Variants in PIEZO2 observed in about 807,000 individuals in gnomAD.
PIEZO2 encodes the protein piezo-type mechanosensitive ion channel component 2.
PIEZO2 carries 172 observed loss-of-function variants against 337.3 expected under a neutral mutation model. That is an observed-to-expected ratio of 0.51 (90% confidence interval 0.45 to 0.58). The LOEUF (loss-of-function observed/expected upper bound fraction) is 0.58. Ranked by LOEUF, PIEZO2 falls within the 20% of genes least tolerant of loss-of-function variation. The probability of loss-of-function intolerance (pLI) is 0.00; values close to 1 mark genes in which losing one functional copy is unlikely to be tolerated. For synonymous variants in PIEZO2, 1,251 were observed against 1,228.5 expected, an observed-to-expected ratio of 1.02 and a Z score of -0.38; for missense variants, 3,028 against 3,391.3, an observed-to-expected ratio of 0.89 and a Z score of 2.66.
intron 2 of PIEZO2, among the ~76,000 whole-genome samples, chr18:10,985,517 T>G (rs8084941): frequency 0.064 from 9,711 of 152,146 alleles, 708 homozygotes; most frequent in African/African-American, 0.18. Flanking sequence ...TAATTTCTCA[T>G]GTCTGTATTC....
At chr18:11,018,519 G>T (rs1354261925) in intron 2 of PIEZO2, among the ~76,000 whole-genome samples, 2 of 151,320 alleles carry the variant, frequency 1.3e-5, no homozygotes, top group African/African-American at 2.4e-5. Flanking sequence ...AGAGTTTGAC[G>T]TAATTGTGGT....
chr18:11,065,620 C>T (rs2038120080), intron 2 of PIEZO2, among the ~76,000 whole-genome samples: 2 of 152,172 alleles, frequency 1.3e-5, no homozygotes, highest in Non-Finnish European at 2.9e-5. Context: ...AAATTATTCT[C>T]TTTCATTATG....
At chr18:10,968,733 A>T (rs1387595257) in intron 3 of PIEZO2, among the ~76,000 whole-genome samples, 1 of 152,258 alleles carries the variant, frequency 6.6e-6, no homozygotes, top group Non-Finnish European at 1.5e-5. Flanking sequence ...TATGCAAAAC[A>T]GTTGTTTATA....
chr18:10,790,998 C>T (rs2039393408), intron 14 of PIEZO2, among the ~76,000 whole-genome samples: 1 of 152,218 alleles, frequency 6.6e-6, no homozygotes, highest in Admixed American at 6.5e-5. Flanking sequence ...GCCACGGCGC[C>T]CGGCCCAACT....
At chr18:11,051,298 GTTCTTAGAAATAATTAACACACCT>G (rs550385735) in intron 2 of PIEZO2, among the ~76,000 whole-genome samples, 2 of 151,318 alleles carry the variant, frequency 1.3e-5, no homozygotes, top group South Asian at 4.2e-4. Flanking sequence ...CGACAACTTT[GTTCTTAGAAATAATTAACACACCT>G]TAGACAGCAA....
At position 11,033,516 on chromosome 18, in the gene PIEZO2, T is replaced by C. The variant is rs977364023; in HGVS notation, c.160+32611A>G. Among the ~76,000 whole-genome samples, 6 of 152,238 alleles carry C rather than the reference T, an allele frequency of 3.9e-5. No homozygotes were observed. The highest frequency in any genetic ancestry group is 1.4e-4 in the African/African-American group (6 of 41,454). The stretch of plus-strand genomic sequence containing the variant: ...ACATTTTGCCATGTTTTTTACAGAA[T>C]TGCCTCCAAGACACACTTAAGGAAC... On this transcript the variant is annotated intron_variant, in intron 2 of 55. Coordinates refer to ENST00000674853, the MANE Select transcript of PIEZO2 (RefSeq NM_001378183.1). The surrounding 1 kb of genome is among the most constrained non-coding windows in gnomAD (Gnocchi z 4.2).
Position 10,680,186 on chromosome 18 carries a change from A to G in PIEZO2, c.7952+13T>C, listed in dbSNP as rs367911625. 8 of 1,600,030 alleles carry G rather than the reference A, an allele frequency of 5.0e-6. No individual in the cohort carries two copies. The highest frequency in any genetic ancestry group is 6.8e-6 in the Non-Finnish European group (8 of 1,170,140). On this transcript the variant is annotated intron_variant, in intron 52 of 55. Coordinates refer to ENST00000674853, the MANE Select transcript of PIEZO2 (RefSeq NM_001378183.1). ...GGAAAGGGATAAATTATACATGGAAATACAGTAACTACCTCTGAATACTCC... is the reference window on the plus strand; with the variant it reads ...GGAAAGGGATAAATTATACATGGAAGTACAGTAACTACCTCTGAATACTCC...
At chr18:11,050,458 A>G (rs1229474636) in intron 2 of PIEZO2, among the ~76,000 whole-genome samples, 2 of 151,854 alleles carry the variant, frequency 1.3e-5, no homozygotes, top group African/African-American at 2.4e-5. Context: ...CTGAGGGGCC[A>G]TTAGTGATCT....
intron 22 of PIEZO2, 91 bp downstream of exon 22, chr18:10,762,831 G>T (rs1054196016): frequency 7.0e-7 from 1 of 1,435,276 alleles, no homozygotes; most frequent in Non-Finnish European, 9.3e-7. Context: ...GCCAGGTCAG[G>T]CCAAATGTGC....
Position 11,142,202 on chromosome 18 carries a change from T to C in PIEZO2, c.64+6323A>G, listed in dbSNP as rs866263339. The stretch of plus-strand genomic sequence containing the variant: ...ATTTTATAAGCTGGTAACTGTTACA[T>C]ATATTTTCTTTTAAAAACCCAACAA... On this transcript the variant is annotated intron_variant, in intron 1 of 55. Transcript: ENST00000674853. Among the ~76,000 whole-genome samples, 4 of 152,354 alleles carry C rather than the reference T, an allele frequency of 2.6e-5. No homozygotes were observed. In the South Asian group the frequency reaches 8.3e-4, roughly 32 times the overall value.
At chr18:10,681,332 G>T (rs1045254415) in intron 51 of PIEZO2, among the ~76,000 whole-genome samples, 1 of 152,166 alleles carries the variant, frequency 6.6e-6, no homozygotes, top group South Asian at 2.1e-4. Flanking sequence ...TAGATAGAGC[G>T]TTCTCATATT....
At chr18:10,975,188 A>G (rs1280132748) in intron 3 of PIEZO2, among the ~76,000 whole-genome samples, 1 of 152,218 alleles carries the variant, frequency 6.6e-6, no homozygotes, top group Non-Finnish European at 1.5e-5. Flanking sequence ...CTAACTCAAA[A>G]GTTTCTTTCA....
chr18:10,992,254 T>G (rs2035139443), intron 2 of PIEZO2, among the ~76,000 whole-genome samples: 2 of 152,230 alleles, frequency 1.3e-5, no homozygotes, highest in South Asian at 4.1e-4. Context: ...ATTTGTCAAT[T>G]TTGGCTTTTG....
intron 7 of PIEZO2, among the ~76,000 whole-genome samples, chr18:10,810,607 C>T (rs1013051405): frequency 1.3e-5 from 2 of 152,162 alleles, no homozygotes; most frequent in African/African-American, 4.8e-5. Flanking sequence ...TTCTTTCTCC[C>T]AGACAAAAAC....
intron 2 of PIEZO2, among the ~76,000 whole-genome samples, chr18:11,046,399 T>C (rs1368016614): frequency 6.6e-6 from 1 of 152,238 alleles, no homozygotes; most frequent in Non-Finnish European, 1.5e-5. Context: ...TCCTTGATCA[T>C]GGCCTTCTAA....
rs1366852688 is a variant in PIEZO2 at position 11,149,285 on chromosome 18, C to A, written c.-697G>T. ...GGTGGGAGCTGCCAGGCGCGCAGAACCATCCCCGCCACCACGGGGCTCGCC... is the reference window on the plus strand; with the variant it reads ...GGTGGGAGCTGCCAGGCGCGCAGAAACATCCCCGCCACCACGGGGCTCGCC... On this transcript the variant is annotated 5_prime_UTR_variant, in exon 1 of 56. Coordinates refer to ENST00000674853, the MANE Select transcript of PIEZO2 (RefSeq NM_001378183.1). The surrounding 1 kb of genome is among the most constrained non-coding windows in gnomAD (Gnocchi z 8.7). Among the ~76,000 whole-genome samples, 1 of 151,864 alleles carries A rather than the reference C, an allele frequency of 6.6e-6. No homozygotes were observed. The highest frequency in any genetic ancestry group is 2.1e-4 in the South Asian group (1 of 4,804).
chr18:10,729,554 G>A (rs2036679412), intron 36 of PIEZO2, among the ~76,000 whole-genome samples: 1 of 148,992 alleles, frequency 6.7e-6, no homozygotes, highest in African/African-American at 2.5e-5. Context: ...AACCCGGGAG[G>A]CTGAGGTTGC....
intron 15 of PIEZO2, 60 bp from the exon 16 acceptor site, chr18:10,787,244 A>G (rs2039256610): frequency 7.0e-7 from 1 of 1,430,398 alleles, no homozygotes; most frequent in South Asian, 1.4e-5. Context: ...AAAACTCACA[A>G]AAATATTTGG....
chr18:10,844,587 G>C (rs2041294508), intron 7 of PIEZO2, among the ~76,000 whole-genome samples: 1 of 152,048 alleles, frequency 6.6e-6, no homozygotes, highest in South Asian at 2.1e-4. Flanking sequence ...AGGAGATCCA[G>C]ACCATCCTGG....
Sources: gnomAD v4.1 joint callset for allele counts (sites outside exome capture counted in the v4.1 genomes callset) on GRCh38, gnomAD v4.1.1 for gene constraint, Gnocchi (gnomAD v3.1) non-coding constraint, MANE v1.5 for transcripts, NCBI Gene and HGNC (gene_info 2026-07-23, HGNC 2026-07-21) for gene names.